PEX10: variants seen among roughly 807,000 people sequenced by gnomAD.
PEX10 encodes peroxisome biogenesis factor 10.
In PEX10, 32 loss-of-function variants were observed where a neutral mutation model predicts 38.0. The ratio of observed to expected loss-of-function variants is 0.84; its 90% CI spans 0.63 to 1.13. PEX10 has a LOEUF of 1.13. Among genes scored for constraint, PEX10 ranks in the 50% most tolerant of loss-of-function variants. The pLI is 0.00. For missense variants in PEX10, 483 were observed against 457.7 expected (o/e 1.06, Z -0.51); for synonymous variants, 206 against 207.3 (o/e 0.99, Z 0.05).
At position 2,408,856 on chromosome 1, in the gene PEX10, A is replaced by T; in HGVS notation, c.196T>A (p.Tyr66Asn). Residue 66 changes from tyrosine to asparagine, a missense_variant and splice_region_variant, in exon 3 of 6, where the codon TAC becomes AAC. Coordinates refer to ENST00000447513, the MANE Select transcript of PEX10 (RefSeq NM_002617.4). ...ACGTACTCCTCCCCCAGGGTCTGGT[A>T]GCCTGCGAGGAAGAGGATGGGTATG... is the stretch of plus-strand genomic sequence containing the variant. Reference protein sequence around the residue: ...AYFGLTTLAGYQTLGEEYVSI... With the variant: ...AYFGLTTLAGNQTLGEEYVSI... 1.9e-6 allele frequency: 3 copies of T among 1,613,944 alleles called. No individual in the cohort carries two copies. Among genetic ancestry groups the T allele is most frequent in the Non-Finnish European group, 2.5e-6 (3 of 1,179,904 alleles).
In PEX10 at chr1:2,408,920, C is replaced by G. The variant is rs539432060; in HGVS notation, c.194-62G>C. The G allele has an allele frequency of 5.0e-5, 77 of 1,550,994 alleles. 2 individuals are homozygous for G. The African/African-American group carries it at 9.8e-4, about 20-fold the overall frequency. ...TGCTGCCGCGGGGACAGGCTCCCGG[C>G]GCCCCTGCCAGCCGACCCTCTGCTG... On this transcript the variant is annotated intron_variant, in intron 2 of 5. Coordinates refer to ENST00000447513, the MANE Select transcript of PEX10 (RefSeq NM_002617.4).
At chr1:2,408,418 C>G in intron 3 of PEX10, 34 bp downstream of exon 3, 1 of 1,611,458 alleles carries the variant, frequency 6.2e-7, no homozygotes, top group Non-Finnish European at 8.5e-7. Context: ...CAAGGACGGC[C>G]TAAGCAGCTG....
In PEX10 at chr1:2,412,496, G is replaced by C; in HGVS notation, c.7C>G (p.Pro3Ala). Residue 3 changes from proline to alanine, a missense_variant, in exon 1 of 6, where the codon CCG (proline) becomes GCG (alanine). Transcript: ENST00000447513. ...ACCTCCGGGGGGCTGGCGGCGGCCG[G>C]GGCCATGGCCGCGGGTTCGGGTGGT... is the stretch of plus-strand genomic sequence containing the variant. MA[P>A]AAASPPEVIR... 7.3e-7 allele frequency: 1 copy of C among 1,367,480 alleles called. No homozygotes were observed. Among genetic ancestry groups the C allele is most frequent in the Non-Finnish European group, 9.4e-7 (1 of 1,062,484 alleles). 84.7% of individuals were successfully genotyped at this position (1,367,480 alleles called of 1,614,324 possible).
At chr1:2,412,814 G>C (rs1050188163), upstream of PEX10, among the ~76,000 whole-genome samples, 7 of 152,130 alleles carry the variant, frequency 4.6e-5, no homozygotes, top group African/African-American at 1.7e-4. Flanking sequence ...GAGGCAGCGG[G>C]ATGGGCTCGC....
At chr1:2,412,243 C>A in intron 1 of PEX10, 148 bp downstream of exon 1, 1 of 1,211,212 alleles carries the variant, frequency 8.3e-7, no homozygotes, top group Non-Finnish European at 1.0e-6. Flanking sequence ...CCCTGAATGG[C>A]CGCAGGGCAG....
At chr1:2,406,018 G>A (rs534308992) in intron 5 of PEX10, among the ~76,000 whole-genome samples, 184 bp from the exon 6 acceptor site, 2 of 152,380 alleles carry the variant, frequency 1.3e-5, no homozygotes, top group African/African-American at 4.8e-5. Context: ...TGGGGGCTGG[G>A]GCGGGGCTGG....
intron 5 of PEX10, among the ~76,000 whole-genome samples, chr1:2,406,086 T>C (rs573851032): frequency 6.6e-6 from 1 of 152,226 alleles, no homozygotes; most frequent in Admixed American, 6.5e-5. Flanking sequence ...CTCCCGCAGC[T>C]GACACAGCCC....
chr1:2,410,025 C>T lies in PEX10; in HGVS notation c.193+346G>A, dbSNP rs1221774983. On this transcript the variant is annotated intron_variant, in intron 2 of 5. Transcript: ENST00000447513. The surrounding 1 kb of genome is among the most constrained non-coding windows in gnomAD (Gnocchi z 5.1). ...AGCCTGGGCCACAGACCCACCACTGCTCCACCAGGGCACTGTCACACGGGC... is the reference window on the plus strand; with the variant it reads ...AGCCTGGGCCACAGACCCACCACTGTTCCACCAGGGCACTGTCACACGGGC... 3 of 352,018 alleles carry T rather than the reference C, an allele frequency of 8.5e-6. No individual in the cohort carries two copies. Among genetic ancestry groups the T allele is most frequent in the Non-Finnish European group, 1.7e-5 (3 of 180,656 alleles). 21.8% of individuals were successfully genotyped at this position (352,018 alleles called of 1,614,324 possible). A position where few individuals can be genotyped will look rare whatever the true frequency, so the allele number is the denominator to read the frequency against.
chr1:2,406,415 C>T, intron 5 of PEX10, 69 bp downstream of exon 5: 10 of 1,593,572 alleles, frequency 6.3e-6, no homozygotes, highest in Middle Eastern at 2.2e-4. Flanking sequence ...CCCACTTCTG[C>T]TGCAGCCAGG....
intron 1 of PEX10, among the ~76,000 whole-genome samples, chr1:2,411,686 C>T (rs1037560412): frequency 7.2e-5 from 11 of 152,254 alleles, no homozygotes; most frequent in Middle Eastern, 3.4e-3. Context: ...TTACAGACGC[C>T]GCCACCACGT....
In PEX10 at chr1:2,406,895, G is replaced by C. The variant is rs779833827; in HGVS notation, c.601C>G (p.Leu201Val). Residue 201 changes from leucine to valine, a missense_variant and splice_region_variant, in exon 4 of 6, where the codon CTC (leucine) becomes GTC (valine). Coordinates refer to ENST00000447513, the MANE Select transcript of PEX10 (RefSeq NM_002617.4). ...LAKRLTGITYLRVRSLPGEDL... is the reference protein window; with the variant it reads ...LAKRLTGITYVRVRSLPGEDL... The stretch of plus-strand genomic sequence containing the variant: ...TCTCCGGGCAGGCTGCGGACACGGA[G>C]CTGTAAGGCAGATGGCGCCACACTC... 6.8e-6 allele frequency: 11 copies of C among 1,608,392 alleles called. No homozygotes were observed. In the South Asian group the frequency reaches 1.1e-4, roughly 16 times the overall value.
rs571035626 is a variant in PEX10 at position 2,409,247 on chromosome 1, G to A, written c.194-389C>T. Among the ~76,000 whole-genome samples, 10 of 152,020 alleles carry A rather than the reference G, an allele frequency of 6.6e-5. No individual in the cohort carries two copies. The highest frequency in any genetic ancestry group is 5.8e-4 in the East Asian group (3 of 5,168). On this transcript the variant is annotated intron_variant, in intron 2 of 5. Coordinates refer to ENST00000447513, the MANE Select transcript of PEX10 (RefSeq NM_002617.4). The surrounding 1 kb of genome is among the most constrained non-coding windows in gnomAD (Gnocchi z 6.2). ...ACCAACCACACAGCTGGCACCACCC[G>A]ATTTATGCCCAGCCTGGACCTTACT...
upstream of PEX10, among the ~76,000 whole-genome samples, chr1:2,412,761 C>G (rs1411565205): frequency 6.6e-6 from 1 of 151,470 alleles, no homozygotes; most frequent in Non-Finnish European, 1.5e-5. Context: ...GGGCGGGGCC[C>G]GCGAGCCGAG....
At chr1:2,412,850 G>C (rs1201234637), upstream of PEX10, among the ~76,000 whole-genome samples, 2 of 152,124 alleles carry the variant, frequency 1.3e-5, no homozygotes, top group African/African-American at 4.8e-5. Flanking sequence ...GCGACCTCGG[G>C]GTCCTACGCT....
Position 2,410,712 on chromosome 1 carries a change from CTAGGG to C in PEX10, c.113-266_113-262del, listed in dbSNP as rs1557912106. The C allele has an allele frequency of 3.3e-5, 19 of 570,326 alleles. No individual in the cohort carries two copies. Among genetic ancestry groups the C allele is most frequent in the East Asian group, 2.9e-4 (7 of 24,432 alleles). 35.3% of individuals were successfully genotyped at this position (570,326 alleles called of 1,614,324 possible). ...TCCGGGATTCCCCTGAGCAACTGTTCTAGGGCCTATGAGGGCCACATGGAAAGATG... is the reference window on the plus strand; with the variant it reads ...TCCGGGATTCCCCTGAGCAACTGTTCCCTATGAGGGCCACATGGAAAGATG... On this transcript the variant is annotated intron_variant, in intron 1 of 5. Coordinates refer to ENST00000447513, the MANE Select transcript of PEX10 (RefSeq NM_002617.4). The surrounding 1 kb of genome is among the most constrained non-coding windows in gnomAD (Gnocchi z 5.1).
chr1:2,406,977 T>A lies in PEX10; in HGVS notation c.601-82A>T, dbSNP rs375859860. On this transcript the variant is annotated intron_variant, in intron 3 of 5. Coordinates refer to ENST00000447513, the MANE Select transcript of PEX10 (RefSeq NM_002617.4). ...CCTGCTGGGAGGGTCACACGTTCAG[T>A]TGGCACAGAGCACGTTAGAACCAGG... The A allele has an allele frequency of 6.5e-6, 10 of 1,543,914 alleles. No individual in the cohort carries two copies. The East Asian group carries it at 2.4e-4, about 37-fold the overall frequency.
rs185244266 is a variant in PEX10 at position 2,412,248 on chromosome 1, G to A, written c.112+143C>T. ...CCCCGCACATCCCTGAATGGCCGCA[G>A]GGCAGGCGAAGGAGACTGCCGGGTC... is the stretch of plus-strand genomic sequence containing the variant. On this transcript the variant is annotated intron_variant, in intron 1 of 5. Coordinates refer to ENST00000447513, the MANE Select transcript of PEX10 (RefSeq NM_002617.4). 900 of 1,216,092 alleles carry A rather than the reference G, an allele frequency of 7.4e-4. 5 individuals carry two copies. The African/African-American group carries it at 0.013, about 18-fold the overall frequency. The allele number at this position is 1,216,092 out of a possible 1,614,324, so 75.3% of individuals were successfully genotyped here.
rs750002192 is a variant in PEX10 at position 2,408,455 on chromosome 1, C to T, written c.597G>A (p.Thr199=). Residue 199 remains threonine, a synonymous_variant, in exon 3 of 6, where the codon ACG becomes ACA. Transcript: ENST00000447513. ...GCCCTCAGCGCCTGCTACTTACGTA[C>T]GTGATCCCCGTGAGCCTCTTGGCCA... ...YHLAKRLTGI[T]YLRVRSLPGE... 33 of 1,612,778 alleles carry T rather than the reference C, an allele frequency of 2.0e-5. No individual in the cohort carries two copies. The highest frequency in any genetic ancestry group is 9.9e-5 in the South Asian group (9 of 91,086).
chr1:2,405,252 C>T lies in PEX10; in HGVS notation c.*514G>A, dbSNP rs1285233098. 4 of 271,952 alleles carry T rather than the reference C, an allele frequency of 1.5e-5. No homozygotes were observed. Among genetic ancestry groups the T allele is most frequent in the South Asian group, 3.7e-5 (1 of 27,298 alleles). The allele number at this position is 271,952 out of a possible 1,614,324, so 16.8% of individuals were successfully genotyped here. On this transcript the variant is annotated 3_prime_UTR_variant, in exon 6 of 6. Coordinates refer to ENST00000447513, the MANE Select transcript of PEX10 (RefSeq NM_002617.4). ...GGGATGTGCTCTGCCCAGCCGCCCTCGGGGAGAGCAGCGCCGCCTCCCATG... is the reference window on the plus strand; with the variant it reads ...GGGATGTGCTCTGCCCAGCCGCCCTTGGGGAGAGCAGCGCCGCCTCCCATG...
Sources: gnomAD v4.1 joint callset for allele counts (sites outside exome capture counted in the v4.1 genomes callset) on GRCh38, gnomAD v4.1.1 for gene constraint, Gnocchi (gnomAD v3.1) non-coding constraint, MANE v1.5 for transcripts, NCBI Gene and HGNC (gene_info 2026-07-23, HGNC 2026-07-21) for gene names.